The following EXOC6B variants were observed in gnomAD, a reference collection of about 807,000 sequenced individuals.
The protein encoded by EXOC6B is SEC15 homolog B.
A neutral mutation model predicts 113.5 loss-of-function variants in EXOC6B; 54 were observed. The observed-to-expected ratio is 0.48, with a 90% CI of 0.38 to 0.60. EXOC6B has a LOEUF of 0.60. Ranked by LOEUF, EXOC6B falls within the 20% of genes least tolerant of loss-of-function variation. The pLI, the probability that EXOC6B is intolerant of heterozygous loss-of-function variation, is 0.00. For synonymous variants in EXOC6B, 357 were observed against 339.0 expected, an observed-to-expected ratio of 1.05 and a Z score of -0.58; for missense variants, 797 against 977.5, an observed-to-expected ratio of 0.82 and a Z score of 2.46.
chr2:72,181,750 A>C (rs1485165699), intron 21 of EXOC6B, among the ~76,000 whole-genome samples: 1 of 152,180 alleles, frequency 6.6e-6, no homozygotes, highest in Admixed American at 6.5e-5. Flanking sequence ...TTGGCCATTA[A>C]GACCTGGAGT....
At chr2:72,576,409 T>C (rs1295688611) in intron 6 of EXOC6B, among the ~76,000 whole-genome samples, 1 of 152,098 alleles carries the variant, frequency 6.6e-6, no homozygotes, top group Non-Finnish European at 1.5e-5. Flanking sequence ...AAAGTGGGAC[T>C]ATCCAGAGTC....
chr2:72,823,668 C>G (rs1367949144), intron 1 of EXOC6B, among the ~76,000 whole-genome samples: 1 of 151,454 alleles, frequency 6.6e-6, no homozygotes, highest in African/African-American at 2.4e-5. Flanking sequence ...GCCTGTAGTC[C>G]CAACTACTCA....
intron 20 of EXOC6B, among the ~76,000 whole-genome samples, chr2:72,227,349 G>A (rs1333058021): frequency 6.6e-6 from 1 of 151,978 alleles, no homozygotes; most frequent in Non-Finnish European, 1.5e-5. Context: ...GCATTAATAG[G>A]AATAAAAAGG....
intron 7 of EXOC6B, among the ~76,000 whole-genome samples, chr2:72,565,349 TAAAAAAAAAA>T (rs10672375): frequency 8.9e-5 from 4 of 45,152 alleles, no homozygotes; most frequent in African/African-American, 2.0e-4. Flanking sequence ...AGACCCTGTC[TAAAAAAAAAA>T]AAAAAAAAAA....
At chr2:72,333,176 A>G (rs952267848) in intron 20 of EXOC6B, among the ~76,000 whole-genome samples, 2 of 152,122 alleles carry the variant, frequency 1.3e-5, no homozygotes, top group African/African-American at 4.8e-5. Context: ...TGGGAAGAGA[A>G]ATGTAATAGA....
intron 6 of EXOC6B, among the ~76,000 whole-genome samples, chr2:72,689,269 G>C (rs1207441953): frequency 6.6e-6 from 1 of 152,106 alleles, no homozygotes; most frequent in Admixed American, 6.6e-5. Context: ...CCATTAACCA[G>C]AGCATCCTTT....
chr2:72,479,323 T>C (rs1444352149), intron 17 of EXOC6B, among the ~76,000 whole-genome samples: 1 of 151,956 alleles, frequency 6.6e-6, no homozygotes, highest in Admixed American at 6.6e-5. Context: ...AATAGAAAAA[T>C]AGTAAGTCAC....
In EXOC6B at chr2:72,783,454, A is replaced by T. The variant is rs1291457749; in HGVS notation, c.114-41985T>A. 2.7e-5 allele frequency among the ~76,000 whole-genome samples: 4 copies of T among 150,228 alleles called. No homozygotes were observed. In the East Asian group the frequency reaches 8.0e-4, roughly 30 times the overall value. On this transcript the variant is annotated intron_variant, in intron 1 of 21. Transcript: ENST00000272427. ...ATCCTCCTGCCTCAGCCTCCTGAGTAGCTGGGATTACAGGCTGGGCCACCA... is the reference window on the plus strand; with the variant it reads ...ATCCTCCTGCCTCAGCCTCCTGAGTTGCTGGGATTACAGGCTGGGCCACCA...
intron 2 of EXOC6B, among the ~76,000 whole-genome samples, chr2:72,738,017 A>G (rs1210223795): frequency 6.6e-6 from 1 of 152,118 alleles, no homozygotes; most frequent in Non-Finnish European, 1.5e-5. Flanking sequence ...ACATAAAGAA[A>G]ATGTAAAGAT....
At chr2:72,669,088 A>C (rs1165027059) in intron 6 of EXOC6B, among the ~76,000 whole-genome samples, 3 of 151,998 alleles carry the variant, frequency 2.0e-5, no homozygotes, top group Non-Finnish European at 4.4e-5. Flanking sequence ...CCTTATATCA[A>C]AAAATATATT....
At chr2:72,425,160 C>T (rs1350865885) in intron 18 of EXOC6B, among the ~76,000 whole-genome samples, 2 of 152,136 alleles carry the variant, frequency 1.3e-5, no homozygotes, top group African/African-American at 4.8e-5. Context: ...TGCCTCCTTA[C>T]CTGCTGTTTG....
intron 20 of EXOC6B, among the ~76,000 whole-genome samples, chr2:72,252,379 T>G (rs1435133580): frequency 6.6e-6 from 1 of 152,134 alleles, no homozygotes; most frequent in Non-Finnish European, 1.5e-5. Context: ...TTCCACGAAG[T>G]TTTTCTCTAC....
At chr2:72,584,911 T>C (rs375785988) in intron 6 of EXOC6B, among the ~76,000 whole-genome samples, 1 of 152,224 alleles carries the variant, frequency 6.6e-6, no homozygotes, top group Non-Finnish European at 1.5e-5. Flanking sequence ...TGAATTACTT[T>C]TGAGTAAACA....
rs186875549 is a variant in EXOC6B at position 72,394,051 on chromosome 2, T to C, written c.1981-14181A>G. Among the ~76,000 whole-genome samples, 14 of 152,304 alleles carry C rather than the reference T, an allele frequency of 9.2e-5. No individual in the cohort carries two copies. The East Asian group carries it at 2.5e-3, about 27-fold the overall frequency. ...CCTTATCTGCCAAACAGAATTATTA[T>C]AATAGCTAAATAAAAATAAATCTTA... is the stretch of plus-strand genomic sequence containing the variant. On this transcript the variant is annotated intron_variant, in intron 18 of 21. Coordinates refer to ENST00000272427, the MANE Select transcript of EXOC6B (RefSeq NM_015189.3).
At chr2:72,334,446 T>C (rs1049906358) in intron 20 of EXOC6B, among the ~76,000 whole-genome samples, 7 of 152,080 alleles carry the variant, frequency 4.6e-5, no homozygotes, top group Admixed American at 4.6e-4. Context: ...GCTGACAACA[T>C]TCTACAAAGG....
chr2:72,200,787 T>C (rs977514910), intron 20 of EXOC6B, among the ~76,000 whole-genome samples: 1 of 152,122 alleles, frequency 6.6e-6, no homozygotes, highest in East Asian at 1.9e-4. Flanking sequence ...GTCAGGTGCC[T>C]AGAGAGGTGA....
intron 1 of EXOC6B, among the ~76,000 whole-genome samples, chr2:72,796,742 T>A (rs971644855): frequency 6.6e-6 from 1 of 152,102 alleles, no homozygotes; most frequent in African/African-American, 2.4e-5. Context: ...ATAGGCCCTC[T>A]ACCTTGCACG....
chr2:72,749,447 T>G (rs747592428), intron 1 of EXOC6B, among the ~76,000 whole-genome samples: 15 of 152,026 alleles, frequency 9.9e-5, no homozygotes, highest in Non-Finnish European at 1.9e-4. Flanking sequence ...ACAAAAGATA[T>G]TCAGTAGCAG....
intron 18 of EXOC6B, among the ~76,000 whole-genome samples, chr2:72,401,679 A>G (rs1693341490): frequency 9.2e-6 from 1 of 108,416 alleles, no homozygotes; most frequent in Non-Finnish European, 1.8e-5. Context: ...ATATATATAT[A>G]TATATATGAA....
Sources: allele counts gnomAD v4.1 joint callset (sites outside exome capture counted in the v4.1 genomes callset), GRCh38; gene constraint gnomAD v4.1.1; transcripts MANE v1.5; gene names NCBI Gene and HGNC (gene_info 2026-07-23, HGNC 2026-07-21).